Variants in FNIP1 observed in about 807,000 individuals in gnomAD.
FNIP1 encodes the protein folliculin interacting protein 1.
A neutral mutation model predicts 124.5 loss-of-function variants in FNIP1; 40 were observed. That is an observed-to-expected ratio of 0.32 (90% CI 0.25 to 0.42). The LOEUF (loss-of-function observed/expected upper bound fraction) is 0.42, where lower values mean the gene tolerates loss of function less well. Among genes scored for constraint, FNIP1 ranks in the 10% least tolerant of loss-of-function variants. The pLI, the probability that FNIP1 is intolerant of heterozygous loss-of-function variation, is 1.00. For synonymous variants in FNIP1, 472 were observed against 470.6 expected (o/e 1.00, Z -0.04); for missense variants, 1,176 against 1,403.7 (o/e 0.84, Z 2.59).
intron 15 of FNIP1, among the ~76,000 whole-genome samples, chr5:131,653,632 C>T (rs994897068): frequency 6.6e-6 from 1 of 151,928 alleles, no homozygotes; most frequent in Non-Finnish European, 1.5e-5. Context: ...AAAGAAAATA[C>T]TCAAATCAAG....
intron 11 of FNIP1, among the ~76,000 whole-genome samples, chr5:131,698,615 C>T (rs1378850168): frequency 6.6e-6 from 1 of 152,006 alleles, no homozygotes; most frequent in African/African-American, 2.4e-5. Context: ...CTTAACAGTC[C>T]CTACATCTAG....
chr5:131,693,337 T>TAC (rs1768567996), intron 11 of FNIP1, among the ~76,000 whole-genome samples: 1 of 118,306 alleles, frequency 8.5e-6, no homozygotes. Flanking sequence ...TATATACATA[T>TAC]ATATATATAT....
At chr5:131,762,708 A>G (rs1361497854) in intron 1 of FNIP1, among the ~76,000 whole-genome samples, 1 of 152,156 alleles carries the variant, frequency 6.6e-6, no homozygotes, top group Non-Finnish European at 1.5e-5. Flanking sequence ...AAAACTAAAA[A>G]CAGAATTACT....
chr5:131,762,478 C>A (rs1488844344), intron 1 of FNIP1, among the ~76,000 whole-genome samples: 8 of 152,114 alleles, frequency 5.3e-5, no homozygotes, highest in Non-Finnish European at 1.2e-4. Flanking sequence ...ATACAGATGG[C>A]AAACAGGTAT....
chr5:131,664,037 A>G (rs934083809), intron 15 of FNIP1, among the ~76,000 whole-genome samples: 2 of 152,210 alleles, frequency 1.3e-5, no homozygotes, highest in African/African-American at 4.8e-5. Context: ...AGCAAGGTGT[A>G]GAGGGTTTGT....
chr5:131,662,309 G>GA (rs59044120), intron 15 of FNIP1, among the ~76,000 whole-genome samples: 1,857 of 146,806 alleles, frequency 0.013, 39 homozygotes, highest in East Asian at 0.09. Flanking sequence ...AAAAAGAAAG[G>GA]AAAAAAAAAA....
chr5:131,706,599 A>G (rs1769122501), intron 8 of FNIP1, 53 bp from the exon 9 acceptor site: 1 of 1,408,752 alleles, frequency 7.1e-7, no homozygotes, highest in Admixed American at 2.7e-5. Context: ...AAGCATAATG[A>G]CAAATTTCTT....
At chr5:131,702,956 C>G in intron 10 of FNIP1, among the ~76,000 whole-genome samples, 1 of 152,174 alleles carries the variant, frequency 6.6e-6, no homozygotes, top group East Asian at 1.9e-4. Flanking sequence ...CCTCTCTTGC[C>G]AATCTCCATC....
intron 11 of FNIP1, among the ~76,000 whole-genome samples, chr5:131,693,892 AG>A (rs1190199091): frequency 6.6e-6 from 1 of 152,190 alleles, no homozygotes. Flanking sequence ...AAGAAAAAAA[AG>A]CCAACTTAAA....
chr5:131,671,336 G>A (rs1256360380), intron 14 of FNIP1, among the ~76,000 whole-genome samples, 169 bp downstream of exon 14: 4 of 152,168 alleles, frequency 2.6e-5, no homozygotes, highest in Non-Finnish European at 5.9e-5. Flanking sequence ...CCTTTCCAGG[G>A]TGTTTCTGGA....
intron 10 of FNIP1, 39 bp downstream of exon 10, chr5:131,704,026 T>C (rs576614734): frequency 6.8e-7 from 1 of 1,480,750 alleles, no homozygotes; most frequent in East Asian, 2.4e-5. Flanking sequence ...GAGAATAAGA[T>C]TTTAAAAGGA....
chr5:131,658,249 G>A (rs1767270904), intron 15 of FNIP1, among the ~76,000 whole-genome samples: 1 of 152,098 alleles, frequency 6.6e-6, no homozygotes, highest in Non-Finnish European at 1.5e-5. Context: ...ATTCAAGACT[G>A]ATTTTTATTT....
At chr5:131,724,635 T>C (rs921316259) in intron 3 of FNIP1, among the ~76,000 whole-genome samples, 8 of 152,190 alleles carry the variant, frequency 5.3e-5, no homozygotes, top group African/African-American at 1.9e-4. Flanking sequence ...ATTGCAAAAG[T>C]TTTCTCCCAT....
At chr5:131,681,025 A>T (rs1436618287) in intron 11 of FNIP1, among the ~76,000 whole-genome samples, 1 of 152,176 alleles carries the variant, frequency 6.6e-6, no homozygotes, top group East Asian at 1.9e-4. Flanking sequence ...AGTACTGAAA[A>T]TTGGGAGACT....
intron 1 of FNIP1, among the ~76,000 whole-genome samples, chr5:131,746,738 C>T (rs1461701597): frequency 6.6e-6 from 1 of 152,178 alleles, no homozygotes; most frequent in Non-Finnish European, 1.5e-5. Context: ...CTGCAATGAA[C>T]ATACAAGTGC....
At chr5:131,729,463 C>T (rs906925185) in intron 3 of FNIP1, among the ~76,000 whole-genome samples, 8 of 152,216 alleles carry the variant, frequency 5.3e-5, no homozygotes, top group Admixed American at 1.3e-4. Context: ...TTCTAACTTC[C>T]CAGCAGCTTT....
At chr5:131,657,151 C>T (rs554777859) in intron 15 of FNIP1, among the ~76,000 whole-genome samples, 2 of 151,796 alleles carry the variant, frequency 1.3e-5, no homozygotes, top group East Asian at 3.9e-4. Context: ...CTACAGGCAC[C>T]TGCCACCATG....
chr5:131,734,544 T>G (rs141853254), intron 2 of FNIP1, among the ~76,000 whole-genome samples: 3,720 of 151,674 alleles, frequency 0.025, 60 homozygotes, highest in Non-Finnish European at 0.038. Flanking sequence ...TGGGAGAAAA[T>G]TTTTGCAACC....
At chr5:131,787,890 T>C (rs759987415) in intron 1 of FNIP1, among the ~76,000 whole-genome samples, 4 of 152,182 alleles carry the variant, frequency 2.6e-5, no homozygotes, top group Non-Finnish European at 5.9e-5. Context: ...GTGGGACCAC[T>C]GCTCGAAGTG....
Sources: allele counts gnomAD v4.1 joint callset (sites outside exome capture counted in the v4.1 genomes callset), GRCh38; gene constraint gnomAD v4.1.1; transcripts MANE v1.5; gene names NCBI Gene and HGNC (gene_info 2026-07-23, HGNC 2026-07-21).